The following ANK3 variants were observed in gnomAD, a reference collection of about 807,000 sequenced individuals.
ANK3 encodes ankyrin-3.
ANK3 carries 57 observed loss-of-function variants against 370.9 expected under a neutral mutation model. The observed-to-expected ratio is 0.15, with a 90% CI of 0.12 to 0.19. ANK3 has a LOEUF of 0.19. ANK3 is among the 10% of genes least tolerant of loss of function. ANK3 has a pLI of 1.00. For synonymous variants in ANK3, 1,929 were observed against 1,946.3 expected (o/e 0.99, Z 0.23); for missense variants, 4,439 against 5,302.1 (o/e 0.84, Z 5.06).
chr10:60,321,399 G>A (rs1166065422), intron 1 of ANK3, among the ~76,000 whole-genome samples: 166 of 145,552 alleles, frequency 1.1e-3, no homozygotes, highest in African/African-American at 3.5e-3. Flanking sequence ...AAAGAGAAGA[G>A]AAGAAAAGAA....
intron 20 of ANK3, 32 bp downstream of exon 20, chr10:60,172,868 C>T (rs2132314819): frequency 6.9e-7 from 1 of 1,456,370 alleles, no homozygotes; most frequent in South Asian, 1.2e-5. Context: ...CTATCTCCTC[C>T]CTCTTCTCCT....
upstream of ANK3, among the ~76,000 whole-genome samples, chr10:60,390,323 C>A (rs898474355): frequency 6.6e-6 from 1 of 152,198 alleles, no homozygotes; most frequent in African/African-American, 2.4e-5. Context: ...TACAGAAAGA[C>A]GTGAGCATAT....
chr10:60,439,581 G>A (rs886128230), intron 2 of ANK3, among the ~76,000 whole-genome samples: 4 of 152,070 alleles, frequency 2.6e-5, no homozygotes, highest in Admixed American at 6.5e-5. Flanking sequence ...TGTGTAAACC[G>A]AAAGCAGCCA....
intron 2 of ANK3, among the ~76,000 whole-genome samples, chr10:60,449,442 G>A (rs575445449): frequency 1.2e-4 from 18 of 152,234 alleles, no homozygotes; most frequent in Non-Finnish European, 1.9e-4. Context: ...GTAGCCATAC[G>A]TAGCCAGTGG....
intron 2 of ANK3, among the ~76,000 whole-genome samples, chr10:60,448,561 T>G (rs918791199): frequency 3.3e-5 from 5 of 152,244 alleles, no homozygotes; most frequent in Non-Finnish European, 4.4e-5. Flanking sequence ...CTTCTTTTAC[T>G]ACTTGCCTTC....
At chr10:60,409,230 T>A (rs2063512170) in intron 2 of ANK3, among the ~76,000 whole-genome samples, 1 of 152,244 alleles carries the variant, frequency 6.6e-6, no homozygotes, top group African/African-American at 2.4e-5. Context: ...GCTTGCAAGT[T>A]CAGTTCATGA....
rs2062947801 is a variant in ANK3, at chr10:60,389,853, G to C, written c.-315C>G. On this transcript the variant is annotated 5_prime_UTR_variant, in exon 1 of 44. Transcript: ENST00000280772. ...AAGCTGTATTATGGCTGTATCCCCT[G>C]CCACCAGCTGGAAGTGTCTAAGTGA... 16 of 1,077,808 alleles carry C rather than the reference G, an allele frequency of 1.5e-5. No homozygotes were observed. The highest frequency in any genetic ancestry group is 1.8e-5 in the Non-Finnish European group (16 of 889,982). The allele number at this position is 1,077,808 out of a possible 1,614,324, so 66.8% of individuals were successfully genotyped here.
At chr10:60,584,800 A>T (rs148644228) in intron 2 of ANK3, among the ~76,000 whole-genome samples, 1 of 152,286 alleles carries the variant, frequency 6.6e-6, no homozygotes, top group East Asian at 1.9e-4. Context: ...ATCTTCACGC[A>T]GTTAGACTTA....
chr10:60,136,602 A>T (rs1320369675), intron 24 of ANK3, among the ~76,000 whole-genome samples: 1 of 152,168 alleles, frequency 6.6e-6, no homozygotes, highest in East Asian at 1.9e-4. Flanking sequence ...AACTTTGTTG[A>T]TACTTCTTAA....
chr10:60,730,457 C>G (rs1160680891), intron 1 of ANK3, among the ~76,000 whole-genome samples: 1 of 152,138 alleles, frequency 6.6e-6, no homozygotes, highest in East Asian at 1.9e-4. Flanking sequence ...CATGCCTGCT[C>G]TAATAGAACT....
At chr10:60,226,671 A>AATATAGTATAACATAATATACTATATT (rs2097169296) in intron 8 of ANK3, among the ~76,000 whole-genome samples, 2 of 138,234 alleles carry the variant, frequency 1.4e-5, no homozygotes, top group Admixed American at 7.6e-5. Flanking sequence ...ATTATAGTAT[A>AATATAGTATAACATAATATACTATATT]ATATAGTATA....
At chr10:60,222,250 G>T (rs1163355518) in intron 8 of ANK3, among the ~76,000 whole-genome samples, 1 of 152,128 alleles carries the variant, frequency 6.6e-6, no homozygotes, top group Non-Finnish European at 1.5e-5. Context: ...CACAGGCAGC[G>T]CTGGCCCAGC....
chr10:60,442,933 G>T (rs941993341), intron 2 of ANK3, among the ~76,000 whole-genome samples: 1 of 152,102 alleles, frequency 6.6e-6, no homozygotes, highest in African/African-American at 2.4e-5. Context: ...CAAACCCAAG[G>T]ATCAATGTGA....
chr10:60,351,984 A>T (rs2056953509), intron 1 of ANK3, among the ~76,000 whole-genome samples: 2 of 152,358 alleles, frequency 1.3e-5, no homozygotes, highest in Admixed American at 6.5e-5. Flanking sequence ...TCTCATGTTC[A>T]TTTGAATTCT....
At position 60,028,867 on chromosome 10, in the gene ANK3, T is replaced by G. The variant is rs199763470; in HGVS notation, c.*979A>C. 0.024 allele frequency: 3,682 copies of G among 151,954 alleles called. 86 individuals carry two copies. Among genetic ancestry groups the G allele is most frequent in the African/African-American group, 0.057 (2,359 of 41,238 alleles). 9.4% of individuals were successfully genotyped at this position (151,954 alleles called of 1,614,324 possible). On this transcript the variant is annotated 3_prime_UTR_variant, in exon 44 of 44. Transcript: ENST00000280772. ...AACTACCGTATAGGTTATTTTTTTT[T>G]GTTGTTTTTAGGTCATTTCATTGAA...
At chr10:60,669,510 T>G (rs1406744218) in intron 1 of ANK3, among the ~76,000 whole-genome samples, 1 of 152,296 alleles carries the variant, frequency 6.6e-6, no homozygotes, top group African/African-American at 2.4e-5. Context: ...TCCTCACCAC[T>G]TCACTGGAAT....
intron 2 of ANK3, among the ~76,000 whole-genome samples, chr10:60,482,570 T>C (rs78922154): frequency 1.3e-5 from 2 of 152,226 alleles, no homozygotes; most frequent in South Asian, 2.1e-4. Context: ...TACTGCAACC[T>C]CGACATTGTG....
chr10:60,237,320 A>G (rs2132545820), intron 7 of ANK3, among the ~76,000 whole-genome samples: 1 of 152,322 alleles, frequency 6.6e-6, no homozygotes. Context: ...TTGGGAATAA[A>G]GGAAACACCG....
chr10:60,359,445 T>C (rs1212120320), intron 1 of ANK3, among the ~76,000 whole-genome samples: 1 of 152,152 alleles, frequency 6.6e-6, no homozygotes, highest in African/African-American at 2.4e-5. Context: ...TAATAACATC[T>C]TTCCAATTCA....
Sources: gnomAD v4.1 joint callset for allele counts (sites outside exome capture counted in the v4.1 genomes callset) on GRCh38, gnomAD v4.1.1 for gene constraint, MANE v1.5 for transcripts, NCBI Gene and HGNC (gene_info 2026-07-23, HGNC 2026-07-21) for gene names.